Variants in MYO5B observed in about 807,000 individuals in gnomAD.
MYO5B encodes the protein myosin VB.
Under a neutral mutation model 229.3 loss-of-function variants are expected in MYO5B, and 143 were observed. That is an observed-to-expected ratio of 0.62 (90% confidence interval 0.54 to 0.72). The LOEUF is 0.72. Ranked by LOEUF, MYO5B falls within the 30% of genes least tolerant of loss-of-function variation. The probability of loss-of-function intolerance (pLI) is 0.00; values close to 1 mark genes in which losing one functional copy is unlikely to be tolerated. For missense variants in MYO5B, 2,321 were observed against 2,331.0 expected (o/e 1.00, Z 0.09); for synonymous variants, 918 against 885.2 (o/e 1.04, Z -0.66).
At chr18:50,106,647 G>A (rs1450982910) in intron 1 of MYO5B, among the ~76,000 whole-genome samples, 6 of 152,142 alleles carry the variant, frequency 3.9e-5, no homozygotes, top group African/African-American at 1.4e-4. Context: ...CAGCCTGGAT[G>A]TCACTTCCCC....
chr18:49,864,286 C>A lies in MYO5B; in HGVS notation c.3698G>T (p.Ser1233Ile), dbSNP rs189721715. ...GCTGTAGCTATCTGGGGAGCCGTGG[C>A]TGGAGTTATTCTGCGTGGCTTGGTC... is the stretch of plus-strand genomic sequence containing the variant. ...VADQATQNNS[S>I]HGSPDSYSLL... The change falls in exon 28 of 40, where the codon AGC becomes ATC. Residue 1233 changes from serine (S) to isoleucine (I), a missense_variant. Transcript: ENST00000285039. The A allele has an allele frequency of 5.5e-4, 888 of 1,614,228 alleles. No homozygotes were observed. The highest frequency in any genetic ancestry group is 7.1e-4 in the Non-Finnish European group (838 of 1,180,050).
chr18:49,875,709 T>C lies in MYO5B; in HGVS notation c.3515A>G (p.Gln1172Arg). The part of the protein sequence containing the change: ...KLQVQLEKRE[Q>R]QDSKKVQAEP... ...TACCTGGACTTTCTTGCTGTCCTGC[T>C]GTTCTCTCTTCTCCAGCTGCACTTG... The change falls in exon 26 of 40, where the codon CAG becomes CGG. Residue 1172 changes from glutamine to arginine, a missense_variant. By Grantham distance (43) the Gln-to-Arg change is conservative. Coordinates refer to ENST00000285039, the MANE Select transcript of MYO5B (RefSeq NM_001080467.3). 1 of 1,614,204 alleles carries C rather than the reference T, an allele frequency of 6.2e-7. No individual in the cohort carries two copies. Among genetic ancestry groups the C allele is most frequent in the Non-Finnish European group, 8.5e-7 (1 of 1,180,018 alleles).
At chr18:49,974,819 A>ACACACACACACACACACACACC (rs1340944787) in intron 9 of MYO5B, among the ~76,000 whole-genome samples, 1 of 151,678 alleles carries the variant, frequency 6.6e-6, no homozygotes, top group African/African-American at 2.4e-5. Flanking sequence ...ACACACACAC[A>ACACACACACACACACACACACC]CACACACACT....
At chr18:49,922,559 C>T (rs778237188) in intron 17 of MYO5B, among the ~76,000 whole-genome samples, 39 of 152,114 alleles carry the variant, frequency 2.6e-4, no homozygotes, top group Non-Finnish European at 4.9e-4. Flanking sequence ...AACACAGTGC[C>T]TCTTTCCAAA....
chr18:50,012,106 C>T (rs1219731271), intron 4 of MYO5B, among the ~76,000 whole-genome samples: 1 of 152,188 alleles, frequency 6.6e-6, no homozygotes, highest in Non-Finnish European at 1.5e-5. Flanking sequence ...GATCCCACAC[C>T]ACACCAATTA....
intron 1 of MYO5B, among the ~76,000 whole-genome samples, chr18:50,104,790 T>C (rs1228025730): frequency 6.6e-6 from 1 of 152,148 alleles, no homozygotes; most frequent in Non-Finnish European, 1.5e-5. Flanking sequence ...TGAACAGACA[T>C]GGACCGCACA....
intron 4 of MYO5B, among the ~76,000 whole-genome samples, chr18:50,033,104 A>G (rs2026408441): frequency 6.6e-6 from 1 of 152,230 alleles, no homozygotes; most frequent in Non-Finnish European, 1.5e-5. Flanking sequence ...TTGCCACAGC[A>G]GTTGCACCAA....
intron 2 of MYO5B, among the ~76,000 whole-genome samples, chr18:50,048,123 A>C (rs78931112): frequency 8.3e-4 from 125 of 149,902 alleles, no homozygotes; most frequent in South Asian, 3.6e-3. Flanking sequence ...AAAAAAAAAA[A>C]CACAAACATT....
intron 23 of MYO5B, 39 bp from the exon 24 acceptor site, chr18:49,879,129 G>T (rs369191534): frequency 1.5e-5 from 25 of 1,613,664 alleles, no homozygotes; most frequent in African/African-American, 2.7e-5. Flanking sequence ...TTTCTGGATG[G>T]ATTCCCTCAC....
intron 21 of MYO5B, among the ~76,000 whole-genome samples, chr18:49,896,691 C>G (rs547751657): frequency 6.6e-6 from 1 of 152,148 alleles, no homozygotes; most frequent in Non-Finnish European, 1.5e-5. Flanking sequence ...ACATCCTATC[C>G]TGCTATTGAC....
intron 1 of MYO5B, among the ~76,000 whole-genome samples, chr18:50,182,165 C>A (rs1024278435): frequency 1.3e-5 from 2 of 152,160 alleles, no homozygotes; most frequent in African/African-American, 2.4e-5. Flanking sequence ...ATGGTCTGAA[C>A]CTTCAGGCAA....
chr18:49,846,998 G>T (rs1382938888), intron 33 of MYO5B, 148 bp downstream of exon 33: 1 of 943,990 alleles, frequency 1.1e-6, no homozygotes, highest in South Asian at 1.5e-5. Flanking sequence ...AGTGGAAGAT[G>T]GGGGCAGGTG....
chr18:49,862,154 C>T (rs1374101682), intron 29 of MYO5B, among the ~76,000 whole-genome samples: 12 of 151,964 alleles, frequency 7.9e-5, no homozygotes, highest in East Asian at 3.9e-4. Context: ...CCCGCCACTA[C>T]GCCCGGCTAA....
At chr18:49,841,120 C>G (rs973076038) in intron 35 of MYO5B, among the ~76,000 whole-genome samples, 8 of 152,194 alleles carry the variant, frequency 5.3e-5, no homozygotes, top group African/African-American at 1.9e-4. Flanking sequence ...TATGCAGACT[C>G]TACTTACATA....
intron 10 of MYO5B, among the ~76,000 whole-genome samples, chr18:49,973,731 G>A (rs1291827177): frequency 6.6e-6 from 1 of 152,152 alleles, no homozygotes; most frequent in East Asian, 1.9e-4. Flanking sequence ...GTTGGTGACA[G>A]TCTCCCGATG....
intron 1 of MYO5B, among the ~76,000 whole-genome samples, chr18:50,143,490 G>A (rs1007295765): frequency 6.6e-6 from 1 of 152,168 alleles, no homozygotes; most frequent in African/African-American, 2.4e-5. Flanking sequence ...GAACAGCACC[G>A]GCTGACACCA....
chr18:50,056,958 C>T (rs1360233745), intron 1 of MYO5B, among the ~76,000 whole-genome samples: 1 of 152,186 alleles, frequency 6.6e-6, no homozygotes, highest in Non-Finnish European at 1.5e-5. Context: ...TTCACAGAAT[C>T]TTAACCTTCT....
chr18:49,896,707 T>G (rs1370785348), intron 21 of MYO5B, among the ~76,000 whole-genome samples: 1 of 152,162 alleles, frequency 6.6e-6, no homozygotes, highest in Non-Finnish European at 1.5e-5. Context: ...TTGACAAAGA[T>G]GGCACCTCAG....
At chr18:50,063,767 A>G (rs1053616041) in intron 1 of MYO5B, 1 of 152,252 alleles carries the variant, frequency 6.6e-6, no homozygotes, top group Admixed American at 6.5e-5. Flanking sequence ...GAAAAGAGTC[A>G]ACTTTCTGTG....
Sources: gnomAD v4.1 joint callset for allele counts (sites outside exome capture counted in the v4.1 genomes callset) on GRCh38, gnomAD v4.1.1 for gene constraint, MANE v1.5 for transcripts, NCBI Gene and HGNC (gene_info 2026-07-23, HGNC 2026-07-21) for gene names.